Variants in TMEM266 observed in about 807,000 individuals in gnomAD.
The protein encoded by TMEM266 is Hv1 related protein 1.
In TMEM266, 33 loss-of-function variants were observed where a neutral mutation model predicts 50.5. The ratio of observed to expected loss-of-function variants is 0.65; its 90% CI spans 0.50 to 0.87. TMEM266 has a LOEUF of 0.87. Ranked by LOEUF, TMEM266 falls within the 40% of genes least tolerant of loss-of-function variation. The pLI, the probability that TMEM266 is intolerant of heterozygous loss-of-function variation, is 0.00. For missense variants in TMEM266, 655 were observed against 695.1 expected, an observed-to-expected ratio of 0.94 and a Z score of 0.65; for synonymous variants, 310 against 292.3, an observed-to-expected ratio of 1.06 and a Z score of -0.62.
At chr15:76,192,661 A>T (rs2038598074) in intron 9 of TMEM266, among the ~76,000 whole-genome samples, 1 of 152,170 alleles carries the variant, frequency 6.6e-6, no homozygotes. Context: ...GACGGTGAGA[A>T]TTCACGAGAC....
intron 7 of TMEM266, 69 bp downstream of exon 7, chr15:76,171,200 A>T: frequency 6.4e-7 from 1 of 1,573,926 alleles, no homozygotes; most frequent in Non-Finnish European, 8.6e-7. Context: ...CTGAGAGGAG[A>T]TGCCGTGTGA....
intron 9 of TMEM266, among the ~76,000 whole-genome samples, chr15:76,199,811 A>C (rs1351816645): frequency 2.8e-5 from 4 of 142,334 alleles, no homozygotes; most frequent in Admixed American, 2.8e-4. Context: ...TGAAACGTTC[A>C]GGGTGGAAAG....
At chr15:76,116,424 A>G (rs1303748356) in intron 1 of TMEM266, among the ~76,000 whole-genome samples, 1 of 152,106 alleles carries the variant, frequency 6.6e-6, no homozygotes, top group African/African-American at 2.4e-5. Flanking sequence ...TCCTCAGGGA[A>G]GGGAAATGCT....
intron 8 of TMEM266, 165 bp from the exon 9 acceptor site, chr15:76,191,803 C>G (rs113637996): frequency 1.5e-6 from 1 of 650,418 alleles, no homozygotes; most frequent in South Asian, 2.3e-5. Flanking sequence ...GAAGCTCTTG[C>G]GAACCGCGAT....
In TMEM266 at chr15:76,160,191, T is replaced by G. The variant is rs374888426; in HGVS notation, c.456+23T>G. ...GAGGTAGGTGGAGACTCTGGCCCTG[T>G]CACCTCCTCTGTTGGGTGACTCCTG... On this transcript the variant is annotated intron_variant, in intron 5 of 10. Coordinates refer to ENST00000388942, the MANE Select transcript of TMEM266 (RefSeq NM_152335.3). This position sits in a 1 kb window ranked among gnomAD's most constrained non-coding sequence, Gnocchi z 5.7. 98 of 1,604,982 alleles carry G rather than the reference T, an allele frequency of 6.1e-5. No individual in the cohort carries two copies. The highest frequency in any genetic ancestry group is 8.4e-5 in the Non-Finnish European group (98 of 1,171,834).
At chr15:76,166,060 G>A (rs2038091205) in intron 5 of TMEM266, among the ~76,000 whole-genome samples, 1 of 152,306 alleles carries the variant, frequency 6.6e-6, no homozygotes, top group African/African-American at 2.4e-5. Flanking sequence ...CTTAAGCGGG[G>A]AGTCCTTGGC....
intron 8 of TMEM266, among the ~76,000 whole-genome samples, chr15:76,177,952 C>T (rs572429464): frequency 6.6e-6 from 1 of 152,326 alleles, no homozygotes; most frequent in Non-Finnish European, 1.5e-5. Flanking sequence ...GAAGGCTTTC[C>T]AGAGGAGCTG....
rs1390288659 is a variant in TMEM266 at position 76,139,767 on chromosome 15, G to A, written c.227+1872G>A. On this transcript the variant is annotated intron_variant, in intron 3 of 10. Coordinates refer to ENST00000388942, the MANE Select transcript of TMEM266 (RefSeq NM_152335.3). The surrounding 1 kb of genome is among the most constrained non-coding windows in gnomAD (Gnocchi z 4.1). Reference sequence around the variant, plus strand: ...CCTGAGCCTGTTAGGCCCTTTTCACGTGAAGAGTAGCATGGTATGGAGAAA... The same window carrying A: ...CCTGAGCCTGTTAGGCCCTTTTCACATGAAGAGTAGCATGGTATGGAGAAA... Among the ~76,000 whole-genome samples, 1 of 152,196 alleles carries A rather than the reference G, an allele frequency of 6.6e-6. No homozygotes were observed. Among genetic ancestry groups the A allele is most frequent in the Non-Finnish European group, 1.5e-5 (1 of 68,032 alleles).
chr15:76,073,091 C>CCAG (rs1567140884), intron 1 of TMEM266, among the ~76,000 whole-genome samples: 1 of 151,618 alleles, frequency 6.6e-6, no homozygotes, highest in African/African-American at 2.4e-5. Context: ...GTCACCACAC[C>CCAG]CAGCTAATTT....
rs539231293 is a variant in TMEM266 at position 76,161,904 on chromosome 15, G to A, written c.456+1736G>A. On this transcript the variant is annotated intron_variant, in intron 5 of 10. Coordinates refer to ENST00000388942, the MANE Select transcript of TMEM266 (RefSeq NM_152335.3). The surrounding 1 kb of genome is among the most constrained non-coding windows in gnomAD (Gnocchi z 4.1). The stretch of plus-strand genomic sequence containing the variant: ...GAAAATGTGCCATGTGTCTGTGACT[G>A]CCAACAAAAATGTTTAATCAGTTGC... Among the ~76,000 whole-genome samples, 1 of 152,370 alleles carries A rather than the reference G, an allele frequency of 6.6e-6. No homozygotes were observed. Among genetic ancestry groups the A allele is most frequent in the South Asian group, 2.1e-4 (1 of 4,830 alleles).
At chr15:76,115,218 G>T (rs1300923450) in intron 1 of TMEM266, among the ~76,000 whole-genome samples, 1 of 152,096 alleles carries the variant, frequency 6.6e-6, no homozygotes, top group African/African-American at 2.4e-5. Flanking sequence ...GCTGCTAATT[G>T]CCTAGGATCT....
intron 1 of TMEM266, among the ~76,000 whole-genome samples, chr15:76,123,696 A>G (rs1247266409): frequency 1.3e-5 from 2 of 151,594 alleles, no homozygotes; most frequent in Non-Finnish European, 2.9e-5. Flanking sequence ...CAATATGCCT[A>G]TCCCCAAGGG....
At position 76,119,322 on chromosome 15, in the gene TMEM266, C is replaced by T. The variant is rs561105913; in HGVS notation, c.-96-14846C>T. On this transcript the variant is annotated intron_variant, in intron 1 of 10. Coordinates refer to ENST00000388942, the MANE Select transcript of TMEM266 (RefSeq NM_152335.3). ...CTGGAGTGTTGGGAGGGGAAGGACA[C>T]ACAAGGAAACCCAAGGTTTAATCTC... Among the ~76,000 whole-genome samples the T allele has an allele frequency of 4.3e-4, 63 of 144,898 alleles. 1 individual carries two copies. The highest frequency in any genetic ancestry group is 1.6e-3 in the African/African-American group (63 of 38,732).
chr15:76,190,591 G>A (rs1232306222), intron 8 of TMEM266, among the ~76,000 whole-genome samples: 4 of 152,072 alleles, frequency 2.6e-5, no homozygotes, highest in Non-Finnish European at 5.9e-5. Context: ...GGGGATGGAT[G>A]GGATGTTGGG....
rs111453151 is a variant in TMEM266 at position 76,130,367 on chromosome 15, G to A, written c.-96-3801G>A. Among the ~76,000 whole-genome samples the A allele has an allele frequency of 6.2e-3, 932 of 150,460 alleles. 12 individuals are homozygous for A. Among genetic ancestry groups the A allele is most frequent in the African/African-American group, 0.02 (841 of 41,130 alleles). On this transcript the variant is annotated intron_variant, in intron 1 of 10. Coordinates refer to ENST00000388942, the MANE Select transcript of TMEM266 (RefSeq NM_152335.3). ...AGCCTGGCCAACATGGTGAAACCCC[G>A]TCTCTACTAATAATATAAAAAAAAT...
At position 76,196,701 on chromosome 15, in the gene TMEM266, T is replaced by G. The variant is rs11855216; in HGVS notation, c.958+4544T>G. 5.6e-3 allele frequency among the ~76,000 whole-genome samples: 844 copies of G among 151,546 alleles called. 13 individuals carry two copies. The highest frequency in any genetic ancestry group is 0.02 in the African/African-American group (811 of 41,382). On this transcript the variant is annotated intron_variant, in intron 9 of 10. Coordinates refer to ENST00000388942, the MANE Select transcript of TMEM266 (RefSeq NM_152335.3). ...AGAGCCTCGGGAGGGCCGTGTGTTTTGCAGGGTGGGGGAGGGCAGCCCAGG... is the reference window on the plus strand; with the variant it reads ...AGAGCCTCGGGAGGGCCGTGTGTTTGGCAGGGTGGGGGAGGGCAGCCCAGG...
At chr15:76,065,264 A>G (rs2036391785) in intron 1 of TMEM266, among the ~76,000 whole-genome samples, 1 of 152,154 alleles carries the variant, frequency 6.6e-6, no homozygotes, top group South Asian at 2.1e-4. Flanking sequence ...TTTCTATGCA[A>G]GGCTCTATCA....
intron 1 of TMEM266, among the ~76,000 whole-genome samples, chr15:76,106,941 G>T (rs1276378554): frequency 6.6e-6 from 1 of 152,108 alleles, no homozygotes; most frequent in Non-Finnish European, 1.5e-5. Flanking sequence ...TCCAAGTCCT[G>T]CTCTCTGGTG....
chr15:76,167,314 C>G (rs2038112385), intron 5 of TMEM266, among the ~76,000 whole-genome samples: 1 of 151,632 alleles, frequency 6.6e-6, no homozygotes, highest in Non-Finnish European at 1.5e-5. Context: ...ACTAAAAATA[C>G]AAAAAATTAG....
Sources: allele counts gnomAD v4.1 joint callset (sites outside exome capture counted in the v4.1 genomes callset), GRCh38; gene constraint gnomAD v4.1.1; non-coding constraint Gnocchi (gnomAD v3.1); transcripts MANE v1.5; gene names NCBI Gene and HGNC (gene_info 2026-07-23, HGNC 2026-07-21).